The following TMEM178B variants were observed in gnomAD, a reference collection of about 807,000 sequenced individuals.
The protein encoded by TMEM178B is transmembrane protein 178B.
In TMEM178B, 5 loss-of-function variants were observed where a neutral mutation model predicts 31.0. The observed-to-expected ratio is 0.16, with a 90% CI of 0.08 to 0.34. The LOEUF (loss-of-function observed/expected upper bound fraction) is 0.34. TMEM178B is among the 10% of genes least tolerant of loss of function. TMEM178B has a pLI of 1.00. For synonymous variants in TMEM178B, 164 were observed against 164.0 expected (o/e 1.00, Z 0.00); for missense variants, 275 against 400.3 (o/e 0.69, Z 2.67).
the TMEM178B span, among the ~76,000 whole-genome samples, chr7:141,499,205 T>C: frequency 6.6e-6 from 1 of 152,124 alleles, no homozygotes; most frequent in Admixed American, 6.5e-5. Flanking sequence ...GATAAGATGG[T>C]AAAATAAGGG....
At chr7:141,111,563 CAATT>C (rs1314319281) in intron 1 of TMEM178B, among the ~76,000 whole-genome samples, 1 of 152,204 alleles carries the variant, frequency 6.6e-6, no homozygotes, top group African/African-American at 2.4e-5. Context: ...TCTTTGCTGA[CAATT>C]CATTAGCCTA....
chr7:141,217,381 A>G (rs1797174275), intron 2 of TMEM178B, among the ~76,000 whole-genome samples: 1 of 152,204 alleles, frequency 6.6e-6, no homozygotes, highest in Non-Finnish European at 1.5e-5. Context: ...GGTGGGCTAT[A>G]TCAGAGGAAG....
intron 2 of TMEM178B, among the ~76,000 whole-genome samples, chr7:141,236,932 T>C (rs999152698): frequency 6.6e-6 from 1 of 152,182 alleles, no homozygotes; most frequent in Admixed American, 6.5e-5. Flanking sequence ...TTTCCAAATA[T>C]GGTAAGAGGG....
chr7:141,437,767 G>A (rs1319522558), intron 3 of TMEM178B, 22 bp downstream of exon 3: 12 of 1,535,990 alleles, frequency 7.8e-6, no homozygotes, highest in South Asian at 7.1e-5. Flanking sequence ...GGCTCGGCTT[G>A]TGGGTGGCAG....
chr7:141,497,393 CTT>C, the TMEM178B span, among the ~76,000 whole-genome samples: 13 of 152,154 alleles, frequency 8.5e-5, no homozygotes, highest in Non-Finnish European at 1.5e-5. Flanking sequence ...AAATGGTTGC[CTT>C]TAGCAACCCA....
chr7:141,083,503 GAGAC>G lies in TMEM178B; in HGVS notation c.382+8835_382+8838del, dbSNP rs56305234. ...AGAGGAAGGGAGGGAGAGAGAGAGA[GAGAC>G]AGACAGACAGACAGACAGACAGATG... On this transcript the variant is annotated intron_variant, in intron 1 of 3. Coordinates refer to ENST00000565468, the MANE Select transcript of TMEM178B (RefSeq NM_001195278.2). Among the ~76,000 whole-genome samples the G allele has an allele frequency of 8.0e-3, 1,183 of 148,492 alleles. 12 individuals carry two copies. Among genetic ancestry groups the G allele is most frequent in the African/African-American group, 0.027 (1,072 of 40,406 alleles).
chr7:141,464,372 C>A (rs1399702455), intron 3 of TMEM178B, among the ~76,000 whole-genome samples: 1 of 152,184 alleles, frequency 6.6e-6, no homozygotes, highest in South Asian at 2.1e-4. Flanking sequence ...GGGAACCTTA[C>A]AGTCCTCTAC....
the TMEM178B span, among the ~76,000 whole-genome samples, chr7:141,507,243 G>A: frequency 1.3e-4 from 20 of 152,190 alleles, no homozygotes; most frequent in Non-Finnish European, 2.5e-4. Flanking sequence ...CTGTGTGGGG[G>A]CTCCAACCCC....
chr7:141,105,921 C>G (rs1479667050), intron 1 of TMEM178B, among the ~76,000 whole-genome samples: 2 of 151,868 alleles, frequency 1.3e-5, no homozygotes, highest in East Asian at 3.9e-4. Context: ...ATAGTGAAAC[C>G]CTGTGTCTAC....
At chr7:141,299,039 G>A (rs1798681345) in intron 2 of TMEM178B, among the ~76,000 whole-genome samples, 1 of 152,126 alleles carries the variant, frequency 6.6e-6, no homozygotes, top group Admixed American at 6.5e-5. Context: ...GGGTGGGTGA[G>A]AGAGAGATGT....
chr7:141,257,956 T>C (rs951570905), intron 2 of TMEM178B, among the ~76,000 whole-genome samples: 1 of 151,862 alleles, frequency 6.6e-6, no homozygotes, highest in African/African-American at 2.4e-5. Context: ...ATAGATATTT[T>C]CTAGCATACC....
chr7:141,124,770 A>G lies in TMEM178B; in HGVS notation c.382+50078A>G, dbSNP rs145177839. 3.9e-5 allele frequency among the ~76,000 whole-genome samples: 6 copies of G among 152,378 alleles called. No homozygotes were observed. In the East Asian group the frequency reaches 1.2e-3, roughly 29 times the overall value. ...ATTGCAACATAAGCAAGGTAGGGAT[A>G]TGAGTATTATATTTTATTTTTTCTA... On this transcript the variant is annotated intron_variant, in intron 1 of 3. Coordinates refer to ENST00000565468, the MANE Select transcript of TMEM178B (RefSeq NM_001195278.2).
chr7:141,376,507 AAAT>A (rs1352936645), intron 2 of TMEM178B, among the ~76,000 whole-genome samples: 4 of 152,254 alleles, frequency 2.6e-5, no homozygotes, highest in Non-Finnish European at 4.4e-5. Context: ...TGATCTAATT[AAAT>A]ACAACTGCAG....
chr7:141,170,159 G>A (rs972023382), intron 1 of TMEM178B, among the ~76,000 whole-genome samples: 1 of 152,154 alleles, frequency 6.6e-6, no homozygotes, highest in African/African-American at 2.4e-5. Flanking sequence ...GTTTTCTCAA[G>A]TGTGATTACT....
chr7:141,443,557 A>C (rs1287599931), intron 3 of TMEM178B, among the ~76,000 whole-genome samples: 1 of 152,212 alleles, frequency 6.6e-6, no homozygotes, highest in Non-Finnish European at 1.5e-5. Context: ...TTGGGGAGAA[A>C]GAGGTAAAAT....
At chr7:141,386,293 T>TG (rs1242418992) in intron 2 of TMEM178B, among the ~76,000 whole-genome samples, 1 of 152,188 alleles carries the variant, frequency 6.6e-6, no homozygotes, top group Non-Finnish European at 1.5e-5. Flanking sequence ...AAGGGTTGTT[T>TG]GGGGACCTTG....
At chr7:141,210,416 T>G (rs1797035567) in intron 1 of TMEM178B, among the ~76,000 whole-genome samples, 1 of 152,072 alleles carries the variant, frequency 6.6e-6, no homozygotes, top group South Asian at 2.1e-4. Context: ...TGAGCCGAGA[T>G]CGCGCCATTG....
chr7:141,106,887 A>G (rs1795155998), intron 1 of TMEM178B, among the ~76,000 whole-genome samples: 4 of 152,178 alleles, frequency 2.6e-5, no homozygotes, highest in Admixed American at 2.6e-4. Context: ...AATAAACAAA[A>G]TCCCTGTTCT....
At chr7:141,189,942 C>A (rs549210295) in intron 1 of TMEM178B, among the ~76,000 whole-genome samples, 1 of 152,172 alleles carries the variant, frequency 6.6e-6, no homozygotes, top group African/African-American at 2.4e-5. Context: ...GCCATCCCCA[C>A]ATCATCCTGG....
Sources: gnomAD v4.1 joint callset for allele counts (sites outside exome capture counted in the v4.1 genomes callset) on GRCh38, gnomAD v4.1.1 for gene constraint, MANE v1.5 for transcripts, NCBI Gene and HGNC (gene_info 2026-07-23, HGNC 2026-07-21) for gene names.